Variants in KIF18B observed in about 807,000 individuals in gnomAD.
KIF18B encodes kinesin family member 18B.
In KIF18B, 49 loss-of-function variants were observed where a neutral mutation model predicts 80.9. The observed-to-expected ratio is 0.61, with a 90% CI of 0.48 to 0.77. The LOEUF is 0.77. KIF18B is among the 30% of genes least tolerant of loss of function. The pLI is 0.00. For missense variants in KIF18B, 994 were observed against 1,127.7 expected, an observed-to-expected ratio of 0.88 and a Z score of 1.70; for synonymous variants, 439 against 463.9, an observed-to-expected ratio of 0.95 and a Z score of 0.69.
At position 44,934,539 on chromosome 17, in the gene KIF18B, C is replaced by T. The variant is rs201380873; in HGVS notation, c.655G>A (p.Ala219Thr). ...NRTQHPTDAN[A>T]TSSRSHAIFQ... ...ATGGCATGGGAGCGGGAGGAAGTCG[C>T]GTTGGCATCAGTGGGGTGCTGCGTG... Residue 219 changes from alanine (A) to threonine (T), a missense_variant, in exon 5 of 16, where the codon GCG becomes ACG. Coordinates refer to ENST00000593135, the MANE Select transcript of KIF18B (RefSeq NM_001265577.2). The surrounding 1 kb of genome is among the most constrained non-coding windows in gnomAD (Gnocchi z 5.4). The T allele has an allele frequency of 3.5e-4, 565 of 1,612,790 alleles. No individual in the cohort carries two copies. Among genetic ancestry groups the T allele is most frequent in the Non-Finnish European group, 4.6e-4 (548 of 1,179,442 alleles).
rs991655965 is a variant in KIF18B at position 44,925,389 on chromosome 17, G to T, written c.*691C>A. On this transcript the variant is annotated 3_prime_UTR_variant, in exon 16 of 16. Coordinates refer to ENST00000593135, the MANE Select transcript of KIF18B (RefSeq NM_001265577.2). ...GTGAACCTGGGAGGCGGAGCTTGCA[G>T]TGAGCCAAGATCGCCACCACTGCAC... 6.6e-6 allele frequency: 1 copy of T among 152,278 alleles called. No homozygotes were observed. Among genetic ancestry groups the T allele is most frequent in the African/African-American group, 2.4e-5 (1 of 41,362 alleles). The allele number at this position is 152,278 out of a possible 1,614,324, so 9.4% of individuals were successfully genotyped here.
chr17:44,925,713 G>A lies in KIF18B; in HGVS notation c.*367C>T, dbSNP rs1333963517. On this transcript the variant is annotated 3_prime_UTR_variant, in exon 16 of 16. Transcript: ENST00000593135. ...GGAGAATTACTTGAACCCAGGAGGCGGAGGTTGCAGTGAGCCAAGATCGTA... is the reference window on the plus strand; with the variant it reads ...GGAGAATTACTTGAACCCAGGAGGCAGAGGTTGCAGTGAGCCAAGATCGTA... 3 of 243,760 alleles carry A rather than the reference G, an allele frequency of 1.2e-5. No individual in the cohort carries two copies. Among genetic ancestry groups the A allele is most frequent in the Admixed American group, 5.9e-5 (1 of 16,918 alleles). The allele number at this position is 243,760 out of a possible 1,614,324, so 15.1% of individuals were successfully genotyped here.
At chr17:44,939,406 G>C (rs1597893809) in intron 1 of KIF18B, among the ~76,000 whole-genome samples, 1 of 112,890 alleles carries the variant, frequency 8.9e-6, no homozygotes, top group Admixed American at 9.2e-5. Flanking sequence ...ACATGAATTT[G>C]TTTCTGGACT....
At chr17:44,931,037 C>T (rs2052134745) in intron 11 of KIF18B, among the ~76,000 whole-genome samples, 1 of 152,080 alleles carries the variant, frequency 6.6e-6, no homozygotes, top group South Asian at 2.1e-4. Context: ...AGCTAAGTGG[C>T]AGGGGATTTA....
intron 1 of KIF18B, among the ~76,000 whole-genome samples, chr17:44,940,715 G>T (rs550878950): frequency 6.6e-6 from 1 of 152,250 alleles, no homozygotes; most frequent in South Asian, 2.1e-4. Context: ...AGCTTCCACT[G>T]GTGGGTCACA....
intron 1 of KIF18B, among the ~76,000 whole-genome samples, chr17:44,942,482 A>G (rs1169162705): frequency 1.3e-5 from 2 of 152,218 alleles, no homozygotes; most frequent in Non-Finnish European, 2.9e-5. Flanking sequence ...AGACTCTGGA[A>G]GCTGAGGAAC....
In KIF18B at chr17:44,934,985, A is replaced by G; in HGVS notation, c.472-50T>C. On this transcript the variant is annotated intron_variant, in intron 3 of 15. Coordinates refer to ENST00000593135, the MANE Select transcript of KIF18B (RefSeq NM_001265577.2). The surrounding 1 kb of genome is among the most constrained non-coding windows in gnomAD (Gnocchi z 5.4). ...CCTGAGGGAGAGCGGCCCATCAGGAAACCTCTCCCTAGCGGCTGGACAGGG... is the reference window on the plus strand; with the variant it reads ...CCTGAGGGAGAGCGGCCCATCAGGAGACCTCTCCCTAGCGGCTGGACAGGG... 1.5e-6 allele frequency: 2 copies of G among 1,317,820 alleles called. No individual in the cohort carries two copies. The highest frequency in any genetic ancestry group is 2.1e-6 in the Non-Finnish European group (2 of 950,058). The allele number at this position is 1,317,820 out of a possible 1,614,324, so 81.6% of individuals were successfully genotyped here. A position where few individuals can be genotyped will look rare whatever the true frequency, so the allele number is the denominator to read the frequency against.
chr17:44,938,380 A>G (rs2052349808), intron 1 of KIF18B, among the ~76,000 whole-genome samples: 1 of 152,142 alleles, frequency 6.6e-6, no homozygotes, highest in Non-Finnish European at 1.5e-5. Context: ...ATTAGATATT[A>G]TTCCTGATAT....
chr17:44,932,645 G>A (rs377527109), intron 9 of KIF18B, 28 bp downstream of exon 9: 14 of 1,234,162 alleles, frequency 1.1e-5, no homozygotes, highest in East Asian at 7.0e-5. Context: ...GCTGCAGGGT[G>A]GGGGCGGGAA....
chr17:44,932,811 T>C, intron 8 of KIF18B, 38 bp from the exon 9 acceptor site: 1 of 1,591,462 alleles, frequency 6.3e-7, no homozygotes, highest in South Asian at 1.1e-5. Flanking sequence ...GAGCCCCAGC[T>C]AAGCACAGGA....
rs1272138735 is a variant in KIF18B, at chr17:44,936,330, G to A, written c.15C>T (p.Asp5=). The part of the protein sequence containing the change: MAVE[D]STLQVVVRVR... ...CCCGTACCACTACTTGCAGCGTGCT[G>A]TCCTCCACTGCCATCACTGTGGTGA... is the stretch of plus-strand genomic sequence containing the variant. Residue 5 remains aspartate, a synonymous_variant, in exon 2 of 16, where the codon GAC becomes GAT. Transcript: ENST00000593135. 1.2e-6 allele frequency: 2 copies of A among 1,605,420 alleles called. No homozygotes were observed. Among genetic ancestry groups the A allele is most frequent in the South Asian group, 2.2e-5 (2 of 89,166 alleles).
intron 1 of KIF18B, among the ~76,000 whole-genome samples, chr17:44,940,320 A>G (rs564322787): frequency 6.6e-6 from 1 of 152,340 alleles, no homozygotes; most frequent in South Asian, 2.1e-4. Flanking sequence ...CCCATTAGGA[A>G]GGTAGGAATG....
intron 1 of KIF18B, among the ~76,000 whole-genome samples, chr17:44,939,455 C>T (rs1267450487): frequency 6.7e-6 from 1 of 150,150 alleles, no homozygotes; most frequent in Non-Finnish European, 1.5e-5. Context: ...TTTTCCAGTA[C>T]CTCACTGTTG....
chr17:44,932,045 C>A lies in KIF18B; in HGVS notation c.1389+11G>T. On this transcript the variant is annotated intron_variant, in intron 10 of 15. Transcript: ENST00000593135. ...CTCCCGATACCCAGGCCTCACACCC[C>A]CAAGTCCTACCTCCTCAGCTGGGCC... The A allele has an allele frequency of 6.2e-7, 1 of 1,603,910 alleles. No individual in the cohort carries two copies. The highest frequency in any genetic ancestry group is 8.5e-7 in the Non-Finnish European group (1 of 1,173,486).
chr17:44,927,930 C>T lies in KIF18B; in HGVS notation c.2276+96G>A, dbSNP rs2052061955. The stretch of plus-strand genomic sequence containing the variant: ...GGAACAGATAGGAACCGTCCCAGCT[C>T]CAAGGCTGTCCTCCATACTTCTCAG... On this transcript the variant is annotated intron_variant, in intron 13 of 15. Transcript: ENST00000593135. This position sits in a 1 kb window ranked among gnomAD's most constrained non-coding sequence, Gnocchi z 4.1. 1.8e-6 allele frequency: 2 copies of T among 1,131,714 alleles called. No individual in the cohort carries two copies. Among genetic ancestry groups the T allele is most frequent in the Non-Finnish European group, 2.4e-6 (2 of 823,074 alleles). The allele number at this position is 1,131,714 out of a possible 1,614,324, so 70.1% of individuals were successfully genotyped here.
intron 1 of KIF18B, among the ~76,000 whole-genome samples, chr17:44,939,524 G>A (rs1451980668): frequency 6.6e-6 from 1 of 151,582 alleles, no homozygotes; most frequent in Non-Finnish European, 1.5e-5. Context: ...CTATTTTTAG[G>A]TATCTTGTCT....
chr17:44,944,387 T>C (rs1243430266), intron 1 of KIF18B, among the ~76,000 whole-genome samples: 1 of 151,946 alleles, frequency 6.6e-6, no homozygotes, highest in Admixed American at 6.6e-5. Flanking sequence ...GGACTACAGG[T>C]GCCTGCCACC....
Position 44,925,595 on chromosome 17 carries a change from AC to A in KIF18B, c.*484del, listed in dbSNP as rs1235997403. The A allele has an allele frequency of 5.0e-6, 1 of 198,428 alleles. No individual in the cohort carries two copies. Among genetic ancestry groups the A allele is most frequent in the Admixed American group, 6.2e-5 (1 of 16,248 alleles). 12.3% of individuals were successfully genotyped at this position (198,428 alleles called of 1,614,324 possible). Reference sequence around the variant, plus strand: ...CAGGAGTTCAAGACCAGCCTGGCCAACATGGAAAAACCCCCTCTCTATTAAA... The same window carrying A: ...CAGGAGTTCAAGACCAGCCTGGCCAAATGGAAAAACCCCCTCTCTATTAAA... On this transcript the variant is annotated 3_prime_UTR_variant, in exon 16 of 16. Coordinates refer to ENST00000593135, the MANE Select transcript of KIF18B (RefSeq NM_001265577.2).
intron 1 of KIF18B, among the ~76,000 whole-genome samples, chr17:44,946,570 A>G (rs575092204): frequency 6.6e-6 from 1 of 152,364 alleles, no homozygotes; most frequent in South Asian, 2.1e-4. Context: ...AAATGAGTTC[A>G]TTCAAACCCG....
Sources: allele counts gnomAD v4.1 joint callset (sites outside exome capture counted in the v4.1 genomes callset), GRCh38; gene constraint gnomAD v4.1.1; non-coding constraint Gnocchi (gnomAD v3.1); transcripts MANE v1.5; gene names NCBI Gene and HGNC (gene_info 2026-07-23, HGNC 2026-07-21).